DOCK2: variants seen among roughly 807,000 people sequenced by gnomAD.
DOCK2 encodes the protein dedicator of cytokinesis protein 2.
A neutral mutation model predicts 248.9 loss-of-function variants in DOCK2; 87 were observed. That is an observed-to-expected ratio of 0.35 (90% CI 0.29 to 0.42). The LOEUF is 0.42. Ranked by LOEUF, DOCK2 falls within the 10% of genes least tolerant of loss-of-function variation. DOCK2 has a pLI of 1.00. For synonymous variants in DOCK2, 805 were observed against 821.6 expected, an observed-to-expected ratio of 0.98 and a Z score of 0.35; for missense variants, 1,747 against 2,300.2, an observed-to-expected ratio of 0.76 and a Z score of 4.92.
intron 47 of DOCK2, among the ~76,000 whole-genome samples, chr5:170,076,904 G>A (rs1372644464): frequency 6.6e-6 from 1 of 152,122 alleles, no homozygotes; most frequent in Non-Finnish European, 1.5e-5. Context: ...CAGGTTAGAA[G>A]CACAGTCTTA....
At chr5:169,664,031 C>A (rs781287233) in intron 2 of DOCK2, among the ~76,000 whole-genome samples, 20 of 152,236 alleles carry the variant, frequency 1.3e-4, no homozygotes, top group Non-Finnish European at 2.8e-4. Context: ...CAATTTCAGA[C>A]CATCTCTTTG....
At chr5:169,750,769 A>G (rs1763853977) in intron 23 of DOCK2, among the ~76,000 whole-genome samples, 1 of 152,220 alleles carries the variant, frequency 6.6e-6, no homozygotes, top group Non-Finnish European at 1.5e-5. Flanking sequence ...CTTTCCACCT[A>G]TTTACATAGC....
intron 27 of DOCK2, among the ~76,000 whole-genome samples, chr5:169,905,974 C>T (rs1008393792): frequency 2.0e-5 from 3 of 152,196 alleles, no homozygotes; most frequent in Admixed American, 6.5e-5. Flanking sequence ...AGCCTCTATT[C>T]TACTTTACCC....
rs1312967814 is a variant in DOCK2 at position 169,714,012 on chromosome 5, C to T, written c.1660-16C>T. ...TGGAGCCTTGGCTTGGGGCAGTAAC[C>T]AAGTGTTGTTTCCAGGGGGACAGCA... On this transcript the variant is annotated splice_polypyrimidine_tract_variant and intron_variant, in intron 17 of 51. Transcript: ENST00000520908. 1 of 1,579,254 alleles carries T rather than the reference C, an allele frequency of 6.3e-7. No individual in the cohort carries two copies.
chr5:169,676,305 G>A (rs573719286), intron 6 of DOCK2, among the ~76,000 whole-genome samples: 1 of 152,270 alleles, frequency 6.6e-6, no homozygotes, highest in East Asian at 1.9e-4. Context: ...CCTGTGCCTG[G>A]AACAAGGTCT....
intron 7 of DOCK2, among the ~76,000 whole-genome samples, chr5:169,683,924 T>A (rs763659005): frequency 1.3e-5 from 2 of 152,234 alleles, no homozygotes; most frequent in African/African-American, 2.4e-5. Context: ...AAAATCCATT[T>A]AAGCAATATT....
intron 32 of DOCK2, 137 bp from the exon 33 acceptor site, chr5:170,018,823 A>T (rs1479808732): frequency 8.7e-7 from 1 of 1,153,884 alleles, no homozygotes; most frequent in Non-Finnish European, 1.2e-6. Flanking sequence ...TGCCTGGCTC[A>T]TGGTAAACAA....
At chr5:169,841,753 C>CCTTA (rs1335318155) in intron 27 of DOCK2, among the ~76,000 whole-genome samples, 1 of 152,166 alleles carries the variant, frequency 6.6e-6, no homozygotes, top group South Asian at 2.1e-4. Flanking sequence ...AAAAGTCATA[C>CCTTA]CTTACTTCTT....
At position 169,712,163 on chromosome 5, in the gene DOCK2, G is replaced by A; in HGVS notation, c.1599G>A (p.Lys533=). ...GEKNFAMSYV[K]LMKEDGTTLH... is the part of the protein sequence containing the mutation. ...AGAACTTTGCCATGTCCTATGTGAA[G>A]CTGATGAAAGAAGATGGGACTACTC... Residue 533 remains lysine, a synonymous_variant, in exon 17 of 52, where the codon AAG becomes AAA. Coordinates refer to ENST00000520908, the MANE Select transcript of DOCK2 (RefSeq NM_004946.3). The A allele has an allele frequency of 6.2e-7, 1 of 1,614,130 alleles. No individual in the cohort carries two copies. The highest frequency in any genetic ancestry group is 8.5e-7 in the Non-Finnish European group (1 of 1,179,976).
intron 7 of DOCK2, among the ~76,000 whole-genome samples, chr5:169,683,763 C>A (rs1026543052): frequency 2.0e-5 from 3 of 152,144 alleles, no homozygotes; most frequent in African/African-American, 7.2e-5. Flanking sequence ...ACATTTTACC[C>A]ATTTTAATTG....
chr5:169,818,275 G>A (rs1768194875), intron 26 of DOCK2, among the ~76,000 whole-genome samples: 1 of 152,150 alleles, frequency 6.6e-6, no homozygotes, highest in Non-Finnish European at 1.5e-5. Context: ...TTTCTCATCT[G>A]GATAGTAACC....
At position 169,742,182 on chromosome 5, in the gene DOCK2, T is replaced by C. The variant is rs1053954421; in HGVS notation, c.2268-5214T>C. 3.3e-5 allele frequency among the ~76,000 whole-genome samples: 5 copies of C among 152,114 alleles called. No homozygotes were observed. The East Asian group carries it at 9.6e-4, about 29-fold the overall frequency. On this transcript the variant is annotated intron_variant, in intron 22 of 51. Transcript: ENST00000520908. ...GTAAGTGCTCAGTAAATGGTAGTTG[T>C]CTTTATGAAAATGCTGATTTCTTTC...
chr5:169,674,796 A>G (rs1475434940), intron 6 of DOCK2, among the ~76,000 whole-genome samples: 1 of 152,214 alleles, frequency 6.6e-6, no homozygotes, highest in Non-Finnish European at 1.5e-5. Flanking sequence ...CTTAAATCCC[A>G]ATGTGAGACT....
intron 27 of DOCK2, among the ~76,000 whole-genome samples, chr5:169,923,100 T>C (rs769212152): frequency 7.9e-5 from 12 of 152,184 alleles, no homozygotes; most frequent in Non-Finnish European, 1.8e-4. Flanking sequence ...GGAACCAGGA[T>C]TGTGCCTAGG....
intron 27 of DOCK2, among the ~76,000 whole-genome samples, chr5:169,952,464 G>A (rs368723519): frequency 7.9e-5 from 12 of 152,068 alleles, no homozygotes; most frequent in South Asian, 4.2e-4. Context: ...GATTTTTGCC[G>A]CTGGTCTTAT....
chr5:169,937,556 G>A (rs2113697445), intron 27 of DOCK2, among the ~76,000 whole-genome samples: 1 of 152,304 alleles, frequency 6.6e-6, no homozygotes, highest in East Asian at 1.9e-4. Context: ...CATATATTGA[G>A]TACTTATATG....
intron 2 of DOCK2, among the ~76,000 whole-genome samples, chr5:169,661,622 C>A (rs778459190): frequency 1.3e-5 from 2 of 152,166 alleles, no homozygotes; most frequent in Non-Finnish European, 2.9e-5. Flanking sequence ...TCATTCCTCC[C>A]ATCCCCTACC....
chr5:169,883,400 A>G (rs1348664665), intron 27 of DOCK2: 2 of 1,551,554 alleles, frequency 1.3e-6, no homozygotes, highest in Non-Finnish European at 8.7e-7. Flanking sequence ...AATGCATGGG[A>G]CACCTTGACC....
chr5:169,705,032 A>G (rs1031675012), intron 14 of DOCK2, among the ~76,000 whole-genome samples: 6 of 152,064 alleles, frequency 3.9e-5, no homozygotes, highest in East Asian at 3.9e-4. Context: ...TGTGGTGGCA[A>G]GCACCTGTAA....
Sources: gnomAD v4.1 joint callset for allele counts (sites outside exome capture counted in the v4.1 genomes callset) on GRCh38, gnomAD v4.1.1 for gene constraint, MANE v1.5 for transcripts, NCBI Gene and HGNC (gene_info 2026-07-23, HGNC 2026-07-21) for gene names.